Variants in KHDRBS2 observed in about 807,000 individuals in gnomAD.
KHDRBS2 encodes the protein KH domain-containing, RNA-binding, signal transduction-associated protein 2.
KHDRBS2 carries 26 observed loss-of-function variants against 44.3 expected under a neutral mutation model. The ratio of observed to expected loss-of-function variants is 0.59; its 90% CI spans 0.43 to 0.81. The LOEUF (loss-of-function observed/expected upper bound fraction) is 0.81. Ranked by LOEUF, KHDRBS2 falls within the 40% of genes least tolerant of loss-of-function variation. The pLI is 0.00. For synonymous variants in KHDRBS2, 194 were observed against 151.1 expected, an observed-to-expected ratio of 1.28 and a Z score of -2.08; for missense variants, 476 against 433.1, an observed-to-expected ratio of 1.10 and a Z score of -0.88.
intron 7 of KHDRBS2, among the ~76,000 whole-genome samples, chr6:61,730,472 T>C (rs1774275098): frequency 6.6e-6 from 1 of 152,074 alleles, no homozygotes. Flanking sequence ...GATGAGGCTG[T>C]ATTAGAAAAG....
intron 3 of KHDRBS2, among the ~76,000 whole-genome samples, chr6:62,040,055 C>T (rs750853566): frequency 3.9e-5 from 6 of 152,016 alleles, no homozygotes; most frequent in South Asian, 4.1e-4. Context: ...TCTCATAAAA[C>T]GTCTCTACCA....
chr6:61,835,240 T>A (rs1032188158), intron 6 of KHDRBS2, among the ~76,000 whole-genome samples: 5 of 152,118 alleles, frequency 3.3e-5, no homozygotes, highest in African/African-American at 1.2e-4. Context: ...TAGTATCAGT[T>A]GAAGAAAGTT....
chr6:62,213,993 T>C (rs1263459926), intron 1 of KHDRBS2, among the ~76,000 whole-genome samples: 2 of 151,940 alleles, frequency 1.3e-5, no homozygotes, highest in East Asian at 1.9e-4. Context: ...TGATAAAATA[T>C]TTAGCCATTT....
At chr6:62,213,038 A>T (rs929747585) in intron 1 of KHDRBS2, among the ~76,000 whole-genome samples, 1 of 152,214 alleles carries the variant, frequency 6.6e-6, no homozygotes, top group Admixed American at 6.5e-5. Context: ...AAAGCTATTC[A>T]GAGATCAGTT....
chr6:61,677,128 T>A (rs1229420067), downstream of KHDRBS2, among the ~76,000 whole-genome samples: 1 of 151,864 alleles, frequency 6.6e-6, no homozygotes, highest in Admixed American at 6.6e-5. Flanking sequence ...AAAGATCTAG[T>A]CTGAATGGTG....
chr6:61,817,259 G>GA (rs1323960781), intron 6 of KHDRBS2, among the ~76,000 whole-genome samples: 1 of 149,774 alleles, frequency 6.7e-6, no homozygotes, highest in African/African-American at 2.5e-5. Context: ...ATGGTAAGAT[G>GA]AAAATCACCA....
intron 6 of KHDRBS2, among the ~76,000 whole-genome samples, chr6:61,848,812 G>A (rs1186344657): frequency 6.6e-6 from 1 of 151,008 alleles, no homozygotes; most frequent in Non-Finnish European, 1.5e-5. Flanking sequence ...GCTATTTAAA[G>A]ACAGGGTAAA....
At chr6:62,243,221 T>C (rs564232692) in intron 1 of KHDRBS2, among the ~76,000 whole-genome samples, 1 of 152,222 alleles carries the variant, frequency 6.6e-6, no homozygotes, top group South Asian at 2.1e-4. Flanking sequence ...TATGTATCTA[T>C]CTATCTATGG....
At chr6:62,135,389 C>T (rs1811291954) in intron 2 of KHDRBS2, among the ~76,000 whole-genome samples, 2 of 152,118 alleles carry the variant, frequency 1.3e-5, no homozygotes, top group South Asian at 2.1e-4. Context: ...TTATGAGTTA[C>T]CCAGTCTCAG....
chr6:61,612,892 G>T, the KHDRBS2 span, among the ~76,000 whole-genome samples: 3 of 120,374 alleles, frequency 2.5e-5, no homozygotes, highest in South Asian at 5.8e-4. Flanking sequence ...TTGCTCTGTC[G>T]CCCAGGCTGG....
At chr6:62,245,118 A>G (rs1314789396) in intron 1 of KHDRBS2, among the ~76,000 whole-genome samples, 1 of 152,126 alleles carries the variant, frequency 6.6e-6, no homozygotes, top group African/African-American at 2.4e-5. Flanking sequence ...TCATTACTGA[A>G]TACTTGAACA....
intron 2 of KHDRBS2, among the ~76,000 whole-genome samples, chr6:62,117,929 C>A (rs147562439): frequency 1.5e-4 from 23 of 152,252 alleles, no homozygotes; most frequent in Admixed American, 1.2e-3. Flanking sequence ...GTGCCCACCA[C>A]TACACCTGGC....
At chr6:62,227,219 C>T (rs1434022210) in intron 1 of KHDRBS2, among the ~76,000 whole-genome samples, 3 of 152,058 alleles carry the variant, frequency 2.0e-5, no homozygotes, top group Non-Finnish European at 4.4e-5. Flanking sequence ...TTGTAGTTCC[C>T]TTTTAACAGG....
intron 1 of KHDRBS2, among the ~76,000 whole-genome samples, chr6:62,196,167 A>C (rs1825660054): frequency 6.6e-6 from 1 of 152,174 alleles, no homozygotes; most frequent in Non-Finnish European, 1.5e-5. Flanking sequence ...GTATAGACTA[A>C]CTTCTAACAT....
chr6:61,766,373 T>G (rs1644816936), intron 6 of KHDRBS2, among the ~76,000 whole-genome samples: 1 of 152,070 alleles, frequency 6.6e-6, no homozygotes, highest in Non-Finnish European at 1.5e-5. Context: ...CTCTTTTTAC[T>G]TAGTCTTGGT....
intron 2 of KHDRBS2, among the ~76,000 whole-genome samples, chr6:62,096,937 TTTTCA>T (rs1405263192): frequency 6.6e-6 from 1 of 151,940 alleles, no homozygotes; most frequent in Non-Finnish European, 1.5e-5. Flanking sequence ...TGTGTTTCCA[TTTTCA>T]TTTATCTCAG....
In KHDRBS2 at chr6:61,688,890, T is replaced by G. The variant is rs574791337; in HGVS notation, c.953-7830A>C. 3.3e-5 allele frequency among the ~76,000 whole-genome samples: 5 copies of G among 151,992 alleles called. No individual in the cohort carries two copies. In the East Asian group the frequency reaches 9.8e-4, roughly 30 times the overall value. On this transcript the variant is annotated intron_variant, in intron 8 of 8. Transcript: ENST00000281156. The stretch of plus-strand genomic sequence containing the variant: ...GTGATTGGAGTGTCTTTGTTATTCA[T>G]GGTGAGCCCCTTCAACCACACCTTA...
the KHDRBS2 span, among the ~76,000 whole-genome samples, chr6:61,669,419 C>T: frequency 1.3e-5 from 2 of 150,502 alleles, no homozygotes; most frequent in African/African-American, 2.4e-5. Flanking sequence ...ATAAATACAT[C>T]CAATATATAT....
intron 1 of KHDRBS2, among the ~76,000 whole-genome samples, chr6:62,193,746 T>C (rs935087589): frequency 2.6e-5 from 4 of 152,174 alleles, no homozygotes; most frequent in African/African-American, 9.6e-5. Flanking sequence ...ACACTTGCTA[T>C]TGTCTGTCTT....
Sources: gnomAD v4.1 joint callset for allele counts (sites outside exome capture counted in the v4.1 genomes callset) on GRCh38, gnomAD v4.1.1 for gene constraint, MANE v1.5 for transcripts, NCBI Gene and HGNC (gene_info 2026-07-23, HGNC 2026-07-21) for gene names.